Variants in NAV3 observed in about 807,000 individuals in gnomAD.
NAV3 encodes the protein neuron navigator 3.
In NAV3, 87 loss-of-function variants were observed where a neutral mutation model predicts 244.7. That is an observed-to-expected ratio of 0.36 (90% CI 0.30 to 0.42). The LOEUF (loss-of-function observed/expected upper bound fraction) is 0.42. NAV3 is among the 20% of genes least tolerant of loss of function. NAV3 has a pLI of 1.00. For missense variants in NAV3, 2,663 were observed against 2,893.3 expected (o/e 0.92, Z 1.83); for synonymous variants, 1,126 against 1,042.2 (o/e 1.08, Z -1.55).
At chr12:78,095,064 T>TATATATATATATATAC (rs1272776469) in intron 12 of NAV3, among the ~76,000 whole-genome samples, 11 of 137,574 alleles carry the variant, frequency 8.0e-5, no homozygotes, top group African/African-American at 2.5e-4. Context: ...TATATATATA[T>TATATATATATATATAC]ACACACACAC....
chr12:78,047,966 AT>A (rs1465324535), intron 9 of NAV3, among the ~76,000 whole-genome samples: 1 of 152,038 alleles, frequency 6.6e-6, no homozygotes, highest in Non-Finnish European at 1.5e-5. Flanking sequence ...TTCATCTTCA[AT>A]CTCGGATATC....
chr12:77,866,772 C>T (rs888516561), intron 1 of NAV3, among the ~76,000 whole-genome samples: 1 of 152,136 alleles, frequency 6.6e-6, no homozygotes, highest in African/African-American at 2.4e-5. Flanking sequence ...GAAATAAATC[C>T]TCTTATCATC....
chr12:77,740,145 A>G (rs1868300853), intron 2 of NAV3, among the ~76,000 whole-genome samples: 1 of 152,208 alleles, frequency 6.6e-6, no homozygotes, highest in Non-Finnish European at 1.5e-5. Flanking sequence ...ATGCCACTTT[A>G]CTTCCAGTTT....
At chr12:77,857,157 C>A (rs1053936885) in intron 1 of NAV3, among the ~76,000 whole-genome samples, 1 of 151,996 alleles carries the variant, frequency 6.6e-6, no homozygotes, top group Non-Finnish European at 1.5e-5. Flanking sequence ...CAAATTCTAG[C>A]CCTCTCTTTT....
intron 5 of NAV3, among the ~76,000 whole-genome samples, chr12:77,979,213 A>C (rs1869072561): frequency 1.0e-5 from 1 of 96,082 alleles, no homozygotes; most frequent in Non-Finnish European, 2.0e-5. Flanking sequence ...CTCTCTACAA[A>C]AAATACAATA....
intron 2 of NAV3, among the ~76,000 whole-genome samples, chr12:77,586,606 A>T (rs1483241202): frequency 6.6e-6 from 1 of 152,220 alleles, no homozygotes; most frequent in African/African-American, 2.4e-5. Context: ...AGAGAAAGTA[A>T]ATCTAGAGCA....
At chr12:78,026,267 A>G (rs928164788) in intron 9 of NAV3, among the ~76,000 whole-genome samples, 1 of 152,172 alleles carries the variant, frequency 6.6e-6, no homozygotes, top group Non-Finnish European at 1.5e-5. Context: ...CCAACTGCCA[A>G]CACAATCTTT....
intron 2 of NAV3, among the ~76,000 whole-genome samples, chr12:77,800,380 A>G (rs2135968303): frequency 6.6e-6 from 1 of 152,322 alleles, no homozygotes; most frequent in South Asian, 2.1e-4. Context: ...CTGTCATTGT[A>G]GGAAAGTGTT....
intron 2 of NAV3, among the ~76,000 whole-genome samples, chr12:77,777,631 C>T (rs1445825348): frequency 6.6e-6 from 1 of 151,946 alleles, no homozygotes; most frequent in Non-Finnish European, 1.5e-5. Flanking sequence ...GATAACTGTC[C>T]CACAGAAACT....
At chr12:77,880,689 G>C (rs937375971) in intron 1 of NAV3, among the ~76,000 whole-genome samples, 1 of 152,050 alleles carries the variant, frequency 6.6e-6, no homozygotes, top group Non-Finnish European at 1.5e-5. Flanking sequence ...TTTTTATTGT[G>C]TCTTTTCTAC....
At chr12:77,592,292 T>C (rs1301333474) in intron 2 of NAV3, among the ~76,000 whole-genome samples, 2 of 152,196 alleles carry the variant, frequency 1.3e-5, no homozygotes, top group African/African-American at 4.8e-5. Flanking sequence ...TAGGACTAGG[T>C]ACGTATGTTC....
chr12:77,979,111 A>G (rs1291227735), intron 5 of NAV3, among the ~76,000 whole-genome samples: 1 of 151,708 alleles, frequency 6.6e-6, no homozygotes, highest in Non-Finnish European at 1.5e-5. Flanking sequence ...ATGATAGCTC[A>G]TGCCTGTAAT....
chr12:77,612,731 A>G (rs1179913662), intron 2 of NAV3, among the ~76,000 whole-genome samples: 1 of 152,154 alleles, frequency 6.6e-6, no homozygotes, highest in Non-Finnish European at 1.5e-5. Context: ...CAATTTTAAA[A>G]TGCCAACCCC....
At chr12:77,623,707 A>T (rs2136884209) in intron 2 of NAV3, among the ~76,000 whole-genome samples, 1 of 152,322 alleles carries the variant, frequency 6.6e-6, no homozygotes, top group South Asian at 2.1e-4. Context: ...ATTTTCCTTG[A>T]GTTTTCTCTT....
intron 2 of NAV3, among the ~76,000 whole-genome samples, chr12:77,650,979 T>C (rs1462912339): frequency 6.6e-6 from 1 of 152,084 alleles, no homozygotes; most frequent in African/African-American, 2.4e-5. Context: ...TATAAATATA[T>C]AGTAACTATT....
chr12:77,657,815 A>G (rs1873196697), intron 2 of NAV3, among the ~76,000 whole-genome samples: 1 of 152,150 alleles, frequency 6.6e-6, no homozygotes, highest in Non-Finnish European at 1.5e-5. Flanking sequence ...ATGCAAATCA[A>G]TAAATGTAAT....
chr12:77,790,050 G>A (rs1871114858), intron 2 of NAV3, among the ~76,000 whole-genome samples: 1 of 152,038 alleles, frequency 6.6e-6, no homozygotes, highest in Admixed American at 6.6e-5. Context: ...AAGTCTGTTT[G>A]GCAGATTCCA....
chr12:77,817,705 T>C (rs1872575090), intron 2 of NAV3, among the ~76,000 whole-genome samples: 1 of 152,160 alleles, frequency 6.6e-6, no homozygotes, highest in African/African-American at 2.4e-5. Context: ...TTCTTGTTTA[T>C]GTACACTGTA....
chr12:77,972,642 G>A (rs1893092980), intron 5 of NAV3, among the ~76,000 whole-genome samples: 1 of 151,980 alleles, frequency 6.6e-6, no homozygotes, highest in South Asian at 2.1e-4. Flanking sequence ...AATATGAGAA[G>A]TGTTTTAATA....
Sources: gnomAD v4.1 joint callset for allele counts (sites outside exome capture counted in the v4.1 genomes callset) on GRCh38, gnomAD v4.1.1 for gene constraint, MANE v1.5 for transcripts, NCBI Gene and HGNC (gene_info 2026-07-23, HGNC 2026-07-21) for gene names.